CNBD1: variants seen among roughly 807,000 people sequenced by gnomAD.
CNBD1 encodes cyclic nucleotide-binding domain-containing protein 1.
Under a neutral mutation model 54.4 loss-of-function variants are expected in CNBD1, and 71 were observed. The observed-to-expected ratio is 1.30, with a 90% CI of 1.08 to 1.59. The LOEUF (loss-of-function observed/expected upper bound fraction) is 1.59. CNBD1 is among the 40% of genes most tolerant of loss of function. The pLI is 0.00. For missense variants in CNBD1, 659 were observed against 518.0 expected, an observed-to-expected ratio of 1.27 and a Z score of -2.64; for synonymous variants, 182 against 170.7, an observed-to-expected ratio of 1.07 and a Z score of -0.51.
At chr8:87,208,398 T>A (rs186577731) in intron 5 of CNBD1, among the ~76,000 whole-genome samples, 9 of 151,968 alleles carry the variant, frequency 5.9e-5, no homozygotes, top group Non-Finnish European at 8.8e-5. Context: ...ATTATATTAT[T>A]TACTGACTAT....
intron 4 of CNBD1, among the ~76,000 whole-genome samples, chr8:86,993,892 C>T (rs921991138): frequency 1.3e-5 from 2 of 152,176 alleles, no homozygotes; most frequent in African/African-American, 4.8e-5. Context: ...TATGTCTGCT[C>T]CTGGGCCTTG....
intron 4 of CNBD1, among the ~76,000 whole-genome samples, chr8:87,104,203 C>T (rs1230846545): frequency 6.6e-6 from 1 of 152,188 alleles, no homozygotes; most frequent in East Asian, 1.9e-4. Flanking sequence ...TTGTCATGGA[C>T]TGGAGGTCCT....
chr8:87,009,494 G>A (rs903308853), intron 4 of CNBD1, among the ~76,000 whole-genome samples: 4 of 151,872 alleles, frequency 2.6e-5, no homozygotes, highest in African/African-American at 9.7e-5. Context: ...TAGAGATGGG[G>A]TTTCACCATG....
intron 8 of CNBD1, among the ~76,000 whole-genome samples, chr8:87,348,017 G>A (rs1810209553): frequency 6.6e-6 from 1 of 151,850 alleles, no homozygotes; most frequent in Admixed American, 6.6e-5. Context: ...GTCTATAACT[G>A]TTTTCCAAAT....
chr8:87,228,196 A>G (rs879361571), intron 5 of CNBD1, among the ~76,000 whole-genome samples: 8,626 of 143,464 alleles, frequency 0.06, 511 homozygotes, highest in African/African-American at 0.14. Flanking sequence ...ATGTCCTCCC[A>G]TAGCTCAGAG....
chr8:87,331,937 A>G (rs201106279), intron 8 of CNBD1, among the ~76,000 whole-genome samples: 1 of 152,100 alleles, frequency 6.6e-6, no homozygotes, highest in Non-Finnish European at 1.5e-5. Flanking sequence ...ATTTGTTTAA[A>G]TTCCCTGTAA....
At chr8:87,389,150 A>C (rs1307402731) in intron 2 of CNBD1, among the ~76,000 whole-genome samples, 1 of 152,192 alleles carries the variant, frequency 6.6e-6, no homozygotes, top group Non-Finnish European at 1.5e-5. Context: ...TATCATCCTG[A>C]ATGGGCAAAA....
chr8:87,152,180 G>T (rs1479513064), intron 4 of CNBD1, among the ~76,000 whole-genome samples: 1 of 152,048 alleles, frequency 6.6e-6, no homozygotes, highest in African/African-American at 2.4e-5. Context: ...AGAGTGGAAT[G>T]ATTTGGGGAG....
intron 6 of CNBD1, among the ~76,000 whole-genome samples, chr8:87,253,612 T>C (rs1457505028): frequency 6.6e-6 from 1 of 152,150 alleles, no homozygotes; most frequent in African/African-American, 2.4e-5. Context: ...TTCTGGTAGG[T>C]TCCTGACTGG....
At chr8:87,263,561 C>T (rs900826542) in intron 6 of CNBD1, among the ~76,000 whole-genome samples, 9 of 151,748 alleles carry the variant, frequency 5.9e-5, no homozygotes, top group Non-Finnish European at 1.0e-4. Flanking sequence ...TTTTTCAAAG[C>T]GTTTACATTA....
intron 4 of CNBD1, among the ~76,000 whole-genome samples, chr8:86,992,115 T>A (rs1343112059): frequency 1.3e-5 from 2 of 152,262 alleles, no homozygotes; most frequent in African/African-American, 2.4e-5. Context: ...AGTGTTGAAG[T>A]CTCCCACTAT....
At chr8:87,361,202 G>A (rs1239059700) in intron 10 of CNBD1, among the ~76,000 whole-genome samples, 1 of 151,884 alleles carries the variant, frequency 6.6e-6, no homozygotes, top group East Asian at 1.9e-4. Flanking sequence ...ATGCTTAAAA[G>A]CATCTTCTCC....
chr8:87,187,038 A>G (rs1024615388), intron 4 of CNBD1, among the ~76,000 whole-genome samples: 22 of 152,154 alleles, frequency 1.4e-4, no homozygotes, highest in African/African-American at 4.3e-4. Flanking sequence ...ATTGAAGTAC[A>G]TAATTGACAA....
chr8:87,231,933 C>G (rs1586350130), intron 5 of CNBD1, among the ~76,000 whole-genome samples: 1 of 152,152 alleles, frequency 6.6e-6, no homozygotes, highest in Non-Finnish European at 1.5e-5. Context: ...TGTTGTCTGT[C>G]CCATAGGGGC....
At chr8:87,306,691 G>A (rs376783988) in intron 8 of CNBD1, among the ~76,000 whole-genome samples, 1 of 151,982 alleles carries the variant, frequency 6.6e-6, no homozygotes, top group South Asian at 2.1e-4. Context: ...TGTTCTCACC[G>A]ATATGTCGGA....
chr8:87,372,118 C>T (rs1021412060), intron 10 of CNBD1, among the ~76,000 whole-genome samples: 7 of 152,156 alleles, frequency 4.6e-5, no homozygotes, highest in African/African-American at 1.7e-4. Flanking sequence ...TCTTCTTAAG[C>T]TGATAAGCAA....
intron 4 of CNBD1, among the ~76,000 whole-genome samples, chr8:86,990,587 A>G (rs1044105956): frequency 6.6e-6 from 1 of 152,134 alleles, no homozygotes; most frequent in African/African-American, 2.4e-5. Flanking sequence ...TGTTTTGGTT[A>G]CTATAGCTCT....
intron 4 of CNBD1, among the ~76,000 whole-genome samples, chr8:87,129,561 G>A (rs990297736): frequency 2.0e-5 from 3 of 151,304 alleles, no homozygotes; most frequent in Non-Finnish European, 4.4e-5. Context: ...TTCTCTTTAG[G>A]TTATCTGTTT....
intron 2 of CNBD1, among the ~76,000 whole-genome samples, chr8:87,425,092 C>G (rs1323675689): frequency 6.6e-6 from 1 of 152,090 alleles, no homozygotes; most frequent in Non-Finnish European, 1.5e-5. Context: ...TGCTGATACC[C>G]TTTCTTCCAG....
Sources: gnomAD v4.1 joint callset for allele counts (sites outside exome capture counted in the v4.1 genomes callset) on GRCh38, gnomAD v4.1.1 for gene constraint, MANE v1.5 for transcripts, NCBI Gene and HGNC (gene_info 2026-07-23, HGNC 2026-07-21) for gene names.